The following ATP13A5 variants were observed in gnomAD, a reference collection of about 807,000 sequenced individuals.
The protein encoded by ATP13A5 is probable cation-transporting ATPase 13A5.
Under a neutral mutation model 150.2 loss-of-function variants are expected in ATP13A5, and 149 were observed. That is an observed-to-expected ratio of 0.99 (90% CI 0.87 to 1.14). The LOEUF (loss-of-function observed/expected upper bound fraction) is 1.14. Among genes scored for constraint, ATP13A5 ranks in the 50% most tolerant of loss-of-function variants. The pLI is 0.00. For synonymous variants in ATP13A5, 497 were observed against 522.2 expected (o/e 0.95, Z 0.66); for missense variants, 1,383 against 1,449.3 (o/e 0.95, Z 0.74).
chr3:193,347,447 G>A (rs1181957119), intron 7 of ATP13A5, among the ~76,000 whole-genome samples: 1 of 151,238 alleles, frequency 6.6e-6, no homozygotes, highest in Non-Finnish European at 1.5e-5. Flanking sequence ...AACCTTTTCT[G>A]TTGAGGAATA....
At chr3:193,356,329 C>T (rs914940619) in intron 5 of ATP13A5, among the ~76,000 whole-genome samples, 8 of 151,836 alleles carry the variant, frequency 5.3e-5, no homozygotes, top group African/African-American at 1.9e-4. Flanking sequence ...CAGAGGACAT[C>T]GATACATTCC....
chr3:193,292,480 C>A (rs537768042), intron 25 of ATP13A5, among the ~76,000 whole-genome samples: 2 of 152,110 alleles, frequency 1.3e-5, no homozygotes, highest in Non-Finnish European at 2.9e-5. Context: ...TAATTTTGGG[C>A]TTCCCTGTGT....
chr3:193,365,088 C>G (rs781322203), intron 1 of ATP13A5, among the ~76,000 whole-genome samples: 25 of 152,050 alleles, frequency 1.6e-4, no homozygotes, highest in Non-Finnish European at 3.1e-4. Context: ...GCTAAATTTT[C>G]AGTGCATTTT....
At chr3:193,356,666 C>A (rs1040024945) in intron 5 of ATP13A5, among the ~76,000 whole-genome samples, 3 of 152,112 alleles carry the variant, frequency 2.0e-5, no homozygotes, top group African/African-American at 7.2e-5. Context: ...AAGTCTTACT[C>A]CCTCTGGCAC....
chr3:193,322,652 C>T (rs1248796679), intron 14 of ATP13A5, 78 bp from the exon 15 acceptor site: 3 of 1,036,938 alleles, frequency 2.9e-6, no homozygotes, highest in Admixed American at 2.0e-5. Flanking sequence ...TTGCACAATA[C>T]TTTAATCTTT....
At chr3:193,275,362 G>C in intron 29 of ATP13A5, 60 bp from the exon 30 acceptor site, 1 of 1,575,290 alleles carries the variant, frequency 6.3e-7, no homozygotes, top group East Asian at 2.2e-5. Flanking sequence ...CAGCCAGGCC[G>C]CTGGCCACCA....
At chr3:193,365,341 A>T (rs927390382) in intron 1 of ATP13A5, among the ~76,000 whole-genome samples, 1 of 152,030 alleles carries the variant, frequency 6.6e-6, no homozygotes, top group African/African-American at 2.4e-5. Context: ...TTGGCTTAAG[A>T]TTTTTTCCAT....
intron 25 of ATP13A5, among the ~76,000 whole-genome samples, chr3:193,295,446 C>T (rs141026938): frequency 2.6e-5 from 4 of 152,198 alleles, no homozygotes; most frequent in African/African-American, 9.6e-5. Flanking sequence ...ATCTCTTCTT[C>T]CTCTGGACTC....
Position 193,274,930 on chromosome 3 carries a change from A to G in ATP13A5, c.*112T>C. 1 of 1,424,458 alleles carries G rather than the reference A, an allele frequency of 7.0e-7. No individual in the cohort carries two copies. Among genetic ancestry groups the G allele is most frequent in the South Asian group, 1.4e-5 (1 of 73,902 alleles). 88.2% of individuals were successfully genotyped at this position (1,424,458 alleles called of 1,614,324 possible). On this transcript the variant is annotated 3_prime_UTR_variant, in exon 30 of 30. Transcript: ENST00000342358. ...TTTAATTCATTGAAAATATACTTTG[A>G]ATGCTTGAATGGAGAGAGGAAAGGT...
At chr3:193,297,233 A>C (rs1338646353) in intron 25 of ATP13A5, among the ~76,000 whole-genome samples, 2 of 152,098 alleles carry the variant, frequency 1.3e-5, no homozygotes, top group Non-Finnish European at 2.9e-5. Flanking sequence ...AGTGAAGAAG[A>C]GACCATGGCC....
At chr3:193,345,223 G>T in intron 7 of ATP13A5, 148 bp from the exon 8 acceptor site, 2 of 714,668 alleles carry the variant, frequency 2.8e-6, no homozygotes, top group South Asian at 3.4e-5. Context: ...CAGCTTCCTT[G>T]CTCCAACCCC....
At chr3:193,309,339 T>G (rs1050425725) in intron 21 of ATP13A5, among the ~76,000 whole-genome samples, 5 of 152,196 alleles carry the variant, frequency 3.3e-5, no homozygotes, top group Admixed American at 2.6e-4. Flanking sequence ...ATAACGCACC[T>G]ACTTCCCCAT....
chr3:193,378,518 C>G, intron 1 of ATP13A5, 145 bp downstream of exon 1: 1 of 728,382 alleles, frequency 1.4e-6, no homozygotes, highest in Non-Finnish European at 2.3e-6. Context: ...CTTTGCAGCC[C>G]TTAAGGAACC....
chr3:193,344,153 G>A (rs1176234067), intron 8 of ATP13A5, 98 bp from the exon 9 acceptor site: 2 of 1,457,454 alleles, frequency 1.4e-6, no homozygotes, highest in Non-Finnish European at 1.8e-6. Flanking sequence ...TTGGCCAAGA[G>A]CTACCCTACC....
At chr3:193,328,374 T>A (rs552337668) in intron 12 of ATP13A5, among the ~76,000 whole-genome samples, 8 of 152,256 alleles carry the variant, frequency 5.3e-5, no homozygotes, top group Non-Finnish European at 1.2e-4. Flanking sequence ...AGCTATTTGT[T>A]TCATTTCTCT....
chr3:193,295,552 A>G (rs1718134139), intron 25 of ATP13A5, among the ~76,000 whole-genome samples: 2 of 152,084 alleles, frequency 1.3e-5, no homozygotes, highest in African/African-American at 2.4e-5. Flanking sequence ...AACTTGAACA[A>G]TCAGCCTTCT....
intron 4 of ATP13A5, 47 bp downstream of exon 4, chr3:193,362,519 GT>G (rs977754336): frequency 6.2e-7 from 1 of 1,612,780 alleles, no homozygotes; most frequent in African/African-American, 1.3e-5. Flanking sequence ...ACAAATCAGT[GT>G]TTTTCCCCTA....
At chr3:193,314,215 C>A in intron 18 of ATP13A5, 22 bp from the exon 19 acceptor site, 1 of 1,611,218 alleles carries the variant, frequency 6.2e-7, no homozygotes, top group Non-Finnish European at 8.5e-7. Context: ...AGAAACTTTG[C>A]TTGCTGTATG....
At chr3:193,362,335 T>C (rs780165951) in intron 5 of ATP13A5, 46 bp downstream of exon 5, 1 of 1,530,210 alleles carries the variant, frequency 6.5e-7, no homozygotes, top group Non-Finnish European at 9.1e-7. Flanking sequence ...TGATACTTCA[T>C]TTTCTGCTGG....
Sources: gnomAD v4.1 joint callset for allele counts (sites outside exome capture counted in the v4.1 genomes callset) on GRCh38, gnomAD v4.1.1 for gene constraint, MANE v1.5 for transcripts, NCBI Gene and HGNC (gene_info 2026-07-23, HGNC 2026-07-21) for gene names.